Variants in CALN1 observed in about 807,000 individuals in gnomAD.
CALN1 encodes the protein calneuron 1, also known as calcium-binding protein 8.
In CALN1, 17 loss-of-function variants were observed where a neutral mutation model predicts 30.6. The ratio of observed to expected loss-of-function variants is 0.56; its 90% CI spans 0.38 to 0.83. The LOEUF (loss-of-function observed/expected upper bound fraction) is 0.83. CALN1 is among the 40% of genes least tolerant of loss of function. The probability of loss-of-function intolerance (pLI) is 0.00; values close to 1 mark genes in which losing one functional copy is unlikely to be tolerated. For synonymous variants in CALN1, 156 were observed against 131.4 expected (o/e 1.19, Z -1.28); for missense variants, 291 against 354.9 (o/e 0.82, Z 1.45).
intron 3 of CALN1, among the ~76,000 whole-genome samples, chr7:72,129,965 C>T (rs1261853558): frequency 6.6e-6 from 1 of 152,148 alleles, no homozygotes; most frequent in Non-Finnish European, 1.5e-5. Flanking sequence ...GCAGATCCTT[C>T]ATGAATAGAT....
intron 5 of CALN1, among the ~76,000 whole-genome samples, chr7:71,954,359 C>G (rs1484341043): frequency 6.6e-6 from 1 of 152,072 alleles, no homozygotes; most frequent in African/African-American, 2.4e-5. Context: ...GCTAGGGAGG[C>G]TGAGGCAGGA....
intron 5 of CALN1, among the ~76,000 whole-genome samples, chr7:71,873,992 C>A (rs57333866): frequency 0.048 from 7,302 of 152,186 alleles, 549 homozygotes; most frequent in African/African-American, 0.16. Context: ...CTTCTAGATT[C>A]GGCCAGGTGC....
chr7:72,114,704 G>A (rs1409248076), intron 3 of CALN1, among the ~76,000 whole-genome samples: 1 of 152,082 alleles, frequency 6.6e-6, no homozygotes, highest in Non-Finnish European at 1.5e-5. Flanking sequence ...CTAGAAAAAG[G>A]AGGCTGGGGC....
At chr7:72,222,320 T>G (rs984916718) in intron 3 of CALN1, among the ~76,000 whole-genome samples, 3 of 152,122 alleles carry the variant, frequency 2.0e-5, no homozygotes, top group Non-Finnish European at 4.4e-5. Flanking sequence ...GATGCTGGCA[T>G]CTGCTTGGCT....
At chr7:71,943,829 T>C (rs7808924) in intron 5 of CALN1, among the ~76,000 whole-genome samples, 105,093 of 152,040 alleles carry the variant, frequency 0.69, 36,935 homozygotes, top group Non-Finnish European at 0.74. Context: ...GAAAATTAAA[T>C]TGGAGTCGGC....
chr7:72,011,501 C>T (rs1485260382), intron 5 of CALN1, among the ~76,000 whole-genome samples: 1 of 152,202 alleles, frequency 6.6e-6, no homozygotes, highest in Non-Finnish European at 1.5e-5. Flanking sequence ...CTCTCCTGAA[C>T]CTGCCTTTGA....
At chr7:72,159,273 G>A (rs1035087199) in intron 3 of CALN1, among the ~76,000 whole-genome samples, 2 of 152,178 alleles carry the variant, frequency 1.3e-5, no homozygotes, top group Admixed American at 1.3e-4. Flanking sequence ...TGCAATGCTA[G>A]GACACTTGTG....
chr7:71,845,103 C>T (rs1404185625), intron 5 of CALN1, among the ~76,000 whole-genome samples: 1 of 152,054 alleles, frequency 6.6e-6, no homozygotes, highest in Non-Finnish European at 1.5e-5. Context: ...AGGCTGGTCT[C>T]GAACTCCTGA....
chr7:72,278,922 G>A (rs1797545848), intron 2 of CALN1, 112 bp from the exon 3 acceptor site: 23 of 1,388,074 alleles, frequency 1.7e-5, no homozygotes, highest in Non-Finnish European at 2.2e-5. Flanking sequence ...TTTAAAAATA[G>A]CAGTAATATT....
At chr7:71,902,248 CCAACCAACCAACCAACCAAT>C (rs1350982939) in intron 5 of CALN1, among the ~76,000 whole-genome samples, 64 of 131,532 alleles carry the variant, frequency 4.9e-4, no homozygotes, top group African/African-American at 2.0e-3. Flanking sequence ...AACCAACCAA[CCAACCAACCAACCAACCAAT>C]CAAAAAAAAA....
chr7:71,803,953 TG>T (rs1562793533), intron 6 of CALN1, among the ~76,000 whole-genome samples: 16 of 81,042 alleles, frequency 2.0e-4, no homozygotes, highest in Admixed American at 1.9e-3. Flanking sequence ...TGTGTGCGTG[TG>T]TGTGTGTGTG....
At chr7:71,882,715 G>T (rs142560613) in intron 5 of CALN1, among the ~76,000 whole-genome samples, 151 of 152,006 alleles carry the variant, frequency 9.9e-4, no homozygotes, top group African/African-American at 3.5e-3. Flanking sequence ...ATGGGGTCTT[G>T]CTATGTTGCC....
At chr7:72,150,082 G>C (rs1787108116) in intron 3 of CALN1, among the ~76,000 whole-genome samples, 2 of 149,432 alleles carry the variant, frequency 1.3e-5, no homozygotes, top group South Asian at 4.2e-4. Context: ...CCGAGATCGT[G>C]CCACACTACA....
chr7:72,035,445 C>T (rs1801738707), intron 4 of CALN1, among the ~76,000 whole-genome samples: 1 of 152,194 alleles, frequency 6.6e-6, no homozygotes, highest in South Asian at 2.1e-4. Flanking sequence ...GCATTTCCTT[C>T]CTTTTTTAGA....
chr7:72,312,532 T>C (rs1387236076), intron 2 of CALN1, among the ~76,000 whole-genome samples: 2 of 151,666 alleles, frequency 1.3e-5, no homozygotes, highest in Non-Finnish European at 2.9e-5. Context: ...GGGCAGAAAA[T>C]TGGGTTGCAG....
the CALN1 span, among the ~76,000 whole-genome samples, chr7:72,453,349 G>A: frequency 2.0e-5 from 3 of 152,196 alleles, no homozygotes; most frequent in East Asian, 1.9e-4. Flanking sequence ...ATATTTATAC[G>A]CACTTTTAAT....
At chr7:71,900,895 T>C (rs1433845384) in intron 5 of CALN1, among the ~76,000 whole-genome samples, 2 of 152,206 alleles carry the variant, frequency 1.3e-5, no homozygotes, top group African/African-American at 4.8e-5. Context: ...ACAGTAACTG[T>C]GCACGTGGGC....
At chr7:72,433,882 C>T (rs2129564108) in intron 1 of CALN1, among the ~76,000 whole-genome samples, 1 of 151,984 alleles carries the variant, frequency 6.6e-6, no homozygotes, top group East Asian at 1.9e-4. Flanking sequence ...CATAACAAGG[C>T]CCCATTTCTG....
intron 5 of CALN1, among the ~76,000 whole-genome samples, chr7:71,921,096 A>G (rs148266276): frequency 4.6e-5 from 7 of 152,322 alleles, no homozygotes; most frequent in African/African-American, 1.7e-4. Flanking sequence ...TAGCAAACCA[A>G]CACAAGAACA....
Sources: allele counts gnomAD v4.1 joint callset (sites outside exome capture counted in the v4.1 genomes callset), GRCh38; gene constraint gnomAD v4.1.1; transcripts MANE v1.5; gene names NCBI Gene and HGNC (gene_info 2026-07-23, HGNC 2026-07-21).